The following CHD1L variants were observed in gnomAD, a reference collection of about 807,000 sequenced individuals.
The protein encoded by CHD1L is chromodomain helicase DNA binding protein 1 like.
In CHD1L, 118 loss-of-function variants were observed where a neutral mutation model predicts 115.9. That is an observed-to-expected ratio of 1.02 (90% confidence interval 0.88 to 1.19). CHD1L has a LOEUF of 1.19. Among genes scored for constraint, CHD1L ranks in the 50% most tolerant of loss-of-function variants. CHD1L has a pLI of 0.00. For synonymous variants in CHD1L, 411 were observed against 387.1 expected (o/e 1.06, Z -0.72); for missense variants, 1,179 against 1,065.3 (o/e 1.11, Z -1.49).
chr1:147,176,758 T>A, the CHD1L span, among the ~76,000 whole-genome samples: 40 of 152,142 alleles, frequency 2.6e-4, no homozygotes, highest in Admixed American at 1.5e-3. Context: ...AGTATTAATT[T>A]GGTACAAATA....
chr1:147,232,003 C>G, the CHD1L span, among the ~76,000 whole-genome samples: 1 of 152,174 alleles, frequency 6.6e-6, no homozygotes, highest in Admixed American at 6.5e-5. Context: ...ATGCAAAAAT[C>G]ACCTGTCTTC....
chr1:147,188,707 C>T, the CHD1L span, among the ~76,000 whole-genome samples: 1 of 149,686 alleles, frequency 6.7e-6, no homozygotes, highest in Non-Finnish European at 1.5e-5. Context: ...TACACATGTA[C>T]CCTAGAACTT....
chr1:147,293,795 G>A (rs1366571868), intron 21 of CHD1L, 73 bp downstream of exon 21: 3 of 1,254,548 alleles, frequency 2.4e-6, no homozygotes, highest in Admixed American at 1.8e-5. Flanking sequence ...TTGAAGGGAG[G>A]TAAGAAATGT....
chr1:147,270,669 C>T (rs587730859), intron 10 of CHD1L, among the ~76,000 whole-genome samples: 1 of 152,116 alleles, frequency 6.6e-6, no homozygotes, highest in African/African-American at 2.4e-5. Flanking sequence ...GGGCTTATAT[C>T]CCCTGTTGCA....
chr1:147,190,280 A>G, the CHD1L span: 2 of 1,297,456 alleles, frequency 1.5e-6, no homozygotes, highest in South Asian at 2.4e-5. Flanking sequence ...TTTAACTGTA[A>G]AATTACCTCA....
upstream of CHD1L, among the ~76,000 whole-genome samples, chr1:147,241,285 C>T (rs1051572601): frequency 9.9e-5 from 15 of 152,170 alleles, no homozygotes; most frequent in African/African-American, 3.4e-4. Flanking sequence ...CATTCCACCA[C>T]AAAAGAAGTT....
intron 12 of CHD1L, 103 bp from the exon 13 acceptor site, chr1:147,275,251 G>C: frequency 1.2e-6 from 1 of 819,106 alleles, no homozygotes. Context: ...CAATTGTTTT[G>C]ACTGATTTCA....
At position 147,278,325 on chromosome 1, in the gene CHD1L, A is replaced by G. The variant is rs1679401568; in HGVS notation, c.1540-1701A>G. On this transcript the variant is annotated intron_variant, in intron 14 of 22. Coordinates refer to ENST00000369258, the MANE Select transcript of CHD1L (RefSeq NM_004284.6). Reference sequence around the variant, plus strand: ...CTGCAACCTCTGCCTCCCGGGTTCAAGCAATTCTCCTGCCTCAGCCTCCTG... The same window carrying G: ...CTGCAACCTCTGCCTCCCGGGTTCAGGCAATTCTCCTGCCTCAGCCTCCTG... Among the ~76,000 whole-genome samples, 4 of 139,340 alleles carry G rather than the reference A, an allele frequency of 2.9e-5. 1 individual carries two copies. In the South Asian group the frequency reaches 6.9e-4, roughly 24 times the overall value. 91.4% of individuals were successfully genotyped at this position (139,340 alleles called of 152,430 possible). A position where few individuals can be genotyped will look rare whatever the true frequency, so the allele number is the denominator to read the frequency against.
chr1:147,261,526 A>C (rs12029358), intron 6 of CHD1L, among the ~76,000 whole-genome samples: 3,207 of 152,232 alleles, frequency 0.021, 132 homozygotes, highest in East Asian at 0.17. Flanking sequence ...ATTTTGAAGG[A>C]AACACATTCA....
At chr1:147,178,254 C>T in the CHD1L span, 1 of 1,613,708 alleles carries the variant, frequency 6.2e-7, no homozygotes, top group Non-Finnish European at 8.5e-7. Flanking sequence ...CTGCGGGCCT[C>T]ATGCTCGTCG....
chr1:147,199,428 A>C, the CHD1L span, among the ~76,000 whole-genome samples: 2 of 152,192 alleles, frequency 1.3e-5, no homozygotes, highest in Admixed American at 1.3e-4. Flanking sequence ...GTTAGAAAAA[A>C]GCTGGAGGAA....
At chr1:147,231,633 TG>T in the CHD1L span, among the ~76,000 whole-genome samples, 2 of 152,148 alleles carry the variant, frequency 1.3e-5, no homozygotes, top group African/African-American at 4.8e-5. Context: ...TATTATTGTG[TG>T]GGAGCTAAGT....
chr1:147,295,747 A>G lies in CHD1L; in HGVS notation c.*238A>G. The G allele has an allele frequency of 2.0e-6, 1 of 505,728 alleles. No individual in the cohort carries two copies. Among genetic ancestry groups the G allele is most frequent in the Non-Finnish European group, 3.4e-6 (1 of 291,482 alleles). The allele number at this position is 505,728 out of a possible 1,614,324, so 31.3% of individuals were successfully genotyped here. On this transcript the variant is annotated 3_prime_UTR_variant, in exon 23 of 23. Transcript: ENST00000369258. ...CCAGCTTGCTAGTTGCATAATAATA[A>G]ATTTTCTGTTCCTAATGGTTTTATT...
At chr1:147,248,775 A>G (rs1553934967) in intron 1 of CHD1L, among the ~76,000 whole-genome samples, 1 of 152,222 alleles carries the variant, frequency 6.6e-6, no homozygotes, top group Non-Finnish European at 1.5e-5. Flanking sequence ...AAAATCACAG[A>G]CTACTGATAT....
chr1:147,276,384 A>G (rs1553958024), intron 14 of CHD1L, 127 bp downstream of exon 14: 1 of 909,620 alleles, frequency 1.1e-6, no homozygotes, highest in South Asian at 1.7e-5. Context: ...CCTCCCTCAC[A>G]CCTGCCACAG....
chr1:147,263,742 C>T (rs1051802952), intron 6 of CHD1L, among the ~76,000 whole-genome samples: 1 of 151,740 alleles, frequency 6.6e-6, no homozygotes, highest in South Asian at 2.1e-4. Flanking sequence ...CTCTGTTGTT[C>T]GAAATTTAAG....
chr1:147,213,231 G>T, the CHD1L span: 1 of 1,221,596 alleles, frequency 8.2e-7, no homozygotes, highest in South Asian at 1.8e-5. Context: ...GAATTACTCA[G>T]ACCACAATCC....
the CHD1L span, among the ~76,000 whole-genome samples, chr1:147,205,569 T>C: frequency 6.6e-6 from 1 of 152,202 alleles, no homozygotes; most frequent in Non-Finnish European, 1.5e-5. Context: ...TTATTTCTTA[T>C]ATAGACCAAT....
At chr1:147,274,603 A>G (rs1571974698) in intron 12 of CHD1L, among the ~76,000 whole-genome samples, 1 of 148,612 alleles carries the variant, frequency 6.7e-6, no homozygotes, top group Non-Finnish European at 1.5e-5. Context: ...GAAGGCTGCA[A>G]TGTACCTTCA....
Sources: allele counts gnomAD v4.1 joint callset (sites outside exome capture counted in the v4.1 genomes callset), GRCh38; gene constraint gnomAD v4.1.1; transcripts MANE v1.5; gene names NCBI Gene and HGNC (gene_info 2026-07-23, HGNC 2026-07-21).